LPP: variants seen among roughly 807,000 people sequenced by gnomAD.
The protein encoded by LPP is LIM domain containing preferred translocation partner in lipoma, also known as lipoma-preferred partner.
Under a neutral mutation model 60.4 loss-of-function variants are expected in LPP, and 38 were observed. The ratio of observed to expected loss-of-function variants is 0.63; its 90% CI spans 0.49 to 0.83. The LOEUF (loss-of-function observed/expected upper bound fraction) is 0.83. Ranked by LOEUF, LPP falls within the 40% of genes least tolerant of loss-of-function variation. The pLI, the probability that LPP is intolerant of heterozygous loss-of-function variation, is 0.00. For missense variants in LPP, 902 were observed against 783.6 expected (o/e 1.15, Z -1.80); for synonymous variants, 328 against 290.8 (o/e 1.13, Z -1.30).
intron 1 of LPP, among the ~76,000 whole-genome samples, chr3:188,183,205 G>A (rs561751678): frequency 2.6e-4 from 40 of 152,260 alleles, no homozygotes; most frequent in Admixed American, 9.2e-4. Flanking sequence ...AGCTGGGAGT[G>A]TAGAAAACAG....
At chr3:188,464,931 A>C (rs1393147003) in intron 4 of LPP, among the ~76,000 whole-genome samples, 1 of 149,698 alleles carries the variant, frequency 6.7e-6, no homozygotes, top group African/African-American at 2.5e-5. Flanking sequence ...GATTCCACAC[A>C]CCAATCTAAT....
intron 9 of LPP, among the ~76,000 whole-genome samples, chr3:188,824,685 G>A (rs950323132): frequency 6.6e-6 from 1 of 152,152 alleles, no homozygotes; most frequent in African/African-American, 2.4e-5. Flanking sequence ...GTTATTTTGT[G>A]CTGAATGGTA....
chr3:188,484,519 G>A (rs1805748619), intron 4 of LPP, 73 bp from the exon 5 acceptor site: 2 of 1,063,370 alleles, frequency 1.9e-6, no homozygotes, highest in East Asian at 2.5e-5. Flanking sequence ...AAAGTAAAAT[G>A]CCAGCAAATA....
chr3:188,407,717 ATC>A (rs1783850783), intron 4 of LPP, among the ~76,000 whole-genome samples: 1 of 149,900 alleles, frequency 6.7e-6, no homozygotes, highest in Admixed American at 6.6e-5. Flanking sequence ...CTGGAAGAGA[ATC>A]TCTCTTCATA....
chr3:188,750,660 C>G (rs897925076), intron 8 of LPP, among the ~76,000 whole-genome samples: 5 of 152,048 alleles, frequency 3.3e-5, no homozygotes, highest in African/African-American at 1.2e-4. Flanking sequence ...GTTTACTATC[C>G]AGAGAATCTT....
chr3:188,706,603 A>G (rs1865523635), intron 7 of LPP, among the ~76,000 whole-genome samples: 1 of 152,238 alleles, frequency 6.6e-6, no homozygotes, highest in African/African-American at 2.4e-5. Context: ...GACATCACAC[A>G]AATGATTAAT....
At chr3:188,181,118 G>A (rs2148901159) in intron 1 of LPP, among the ~76,000 whole-genome samples, 1 of 152,192 alleles carries the variant, frequency 6.6e-6, no homozygotes, top group East Asian at 1.9e-4. Flanking sequence ...ACTTTTGGAG[G>A]CCGAGGTGGG....
chr3:188,459,396 C>T (rs897594756), intron 4 of LPP, among the ~76,000 whole-genome samples: 5 of 152,084 alleles, frequency 3.3e-5, no homozygotes, highest in Non-Finnish European at 7.4e-5. Context: ...GAGAGAGGTA[C>T]ATTATCAAGC....
intron 2 of LPP, among the ~76,000 whole-genome samples, chr3:188,226,881 T>C (rs548849155): frequency 3.9e-4 from 59 of 152,354 alleles, no homozygotes; most frequent in Middle Eastern, 3.4e-3. Context: ...GTGTGCCTAT[T>C]GATCTATATT....
At chr3:188,705,088 C>T (rs1865222328) in intron 7 of LPP, among the ~76,000 whole-genome samples, 2 of 152,290 alleles carry the variant, frequency 1.3e-5, no homozygotes, top group East Asian at 3.9e-4. Flanking sequence ...CACTTGAAGT[C>T]ATCATGTTTA....
In LPP at chr3:188,879,206, G is replaced by C. The variant is rs1484394691; in HGVS notation, c.*4727G>C. On this transcript the variant is annotated 3_prime_UTR_variant, in exon 12 of 12. Transcript: ENST00000617246. ...TATTTCAAACCTTAAAAAGTTACCT[G>C]ACTGAAGCTACTATGACTTGGTAAG... is the stretch of plus-strand genomic sequence containing the variant. 3 of 230,970 alleles carry C rather than the reference G, an allele frequency of 1.3e-5. No homozygotes were observed. Among genetic ancestry groups the C allele is most frequent in the Non-Finnish European group, 2.6e-5 (3 of 116,724 alleles). 14.3% of individuals were successfully genotyped at this position (230,970 alleles called of 1,614,324 possible).
rs138789994 is a variant in LPP, at chr3:188,252,884, G to A, written c.-67+27357G>A. On this transcript the variant is annotated intron_variant, in intron 2 of 11. Coordinates refer to ENST00000617246, the MANE Select transcript of LPP (RefSeq NM_001375462.1). ...CCTCCCAGGTTCAAGTGATTCCCCT[G>A]CCTCAACCTCCCAAGTAGCTGGGAT... Among the ~76,000 whole-genome samples, 48 of 152,196 alleles carry A rather than the reference G, an allele frequency of 3.2e-4. No individual in the cohort carries two copies. In the East Asian group the frequency reaches 8.3e-3, roughly 26 times the overall value.
Position 188,887,932 on chromosome 3 carries a change from A to C in LPP, c.*13453A>C, listed in dbSNP as rs962046874. ...AGAATATTTCCCCTCTGAAAATCTG[A>C]ATTATGCCCTCATTCTTTTTCAAGA... On this transcript the variant is annotated 3_prime_UTR_variant, in exon 12 of 12. Coordinates refer to ENST00000617246, the MANE Select transcript of LPP (RefSeq NM_001375462.1). 4.8e-5 allele frequency: 10 copies of C among 210,340 alleles called. No individual in the cohort carries two copies. Among genetic ancestry groups the C allele is most frequent in the Admixed American group, 2.4e-4 (4 of 16,978 alleles). The allele number at this position is 210,340 out of a possible 1,614,324, so 13.0% of individuals were successfully genotyped here.
chr3:188,800,368 C>G (rs1483682578), intron 9 of LPP, among the ~76,000 whole-genome samples: 1 of 151,446 alleles, frequency 6.6e-6, no homozygotes, highest in Non-Finnish European at 1.5e-5. Flanking sequence ...GCCTCAGCCT[C>G]CCGAGTAGCT....
Position 188,883,314 on chromosome 3 carries a change from T to G in LPP, c.*8835T>G, listed in dbSNP as rs1770268063. On this transcript the variant is annotated 3_prime_UTR_variant, in exon 12 of 12. Coordinates refer to ENST00000617246, the MANE Select transcript of LPP (RefSeq NM_001375462.1). The stretch of plus-strand genomic sequence containing the variant: ...AATTTGTGAGTTTTTTTGTTGCTGG[T>G]TGTACTTTCCTATTTAGAAGACAGA... 4.6e-6 allele frequency: 1 copy of G among 215,900 alleles called. No individual in the cohort carries two copies. Among genetic ancestry groups the G allele is most frequent in the African/African-American group, 2.3e-5 (1 of 44,436 alleles). 13.4% of individuals were successfully genotyped at this position (215,900 alleles called of 1,614,324 possible). A position where few individuals can be genotyped will look rare whatever the true frequency, so the allele number is the denominator to read the frequency against.
At chr3:188,833,471 C>T (rs971162168) in intron 9 of LPP, among the ~76,000 whole-genome samples, 8 of 152,096 alleles carry the variant, frequency 5.3e-5, no homozygotes, top group Non-Finnish European at 5.9e-5. Context: ...ATCCTAGAGG[C>T]GGTGTATACA....
chr3:188,695,099 C>T (rs1242489027), intron 7 of LPP, among the ~76,000 whole-genome samples: 1 of 152,174 alleles, frequency 6.6e-6, no homozygotes, highest in East Asian at 1.9e-4. Flanking sequence ...ATAGAAGCCA[C>T]CTAATATGGT....
At chr3:188,470,751 GA>G (rs1801648969) in intron 4 of LPP, among the ~76,000 whole-genome samples, 1 of 152,306 alleles carries the variant, frequency 6.6e-6, no homozygotes, top group South Asian at 2.1e-4. Context: ...AACGGAGACA[GA>G]GGTGTGAGCA....
At chr3:188,268,545 C>A (rs1232783157) in intron 2 of LPP, among the ~76,000 whole-genome samples, 1 of 152,220 alleles carries the variant, frequency 6.6e-6, no homozygotes, top group Non-Finnish European at 1.5e-5. Flanking sequence ...TAGGTTTGAA[C>A]AGTTGGCTGT....
Sources: gnomAD v4.1 joint callset for allele counts (sites outside exome capture counted in the v4.1 genomes callset) on GRCh38, gnomAD v4.1.1 for gene constraint, MANE v1.5 for transcripts, NCBI Gene and HGNC (gene_info 2026-07-23, HGNC 2026-07-21) for gene names.